The following HERC1 variants were observed in gnomAD, a reference collection of about 807,000 sequenced individuals.
HERC1 encodes the protein probable E3 ubiquitin-protein ligase HERC1.
A neutral mutation model predicts 554.3 loss-of-function variants in HERC1; 160 were observed. The observed-to-expected ratio is 0.29, with a 90% CI of 0.25 to 0.33. HERC1 has a LOEUF of 0.33. HERC1 is among the 10% of genes least tolerant of loss of function. The pLI is 1.00. For synonymous variants in HERC1, 2,175 were observed against 2,131.7 expected, an observed-to-expected ratio of 1.02 and a Z score of -0.56; for missense variants, 4,919 against 5,918.5, an observed-to-expected ratio of 0.83 and a Z score of 5.54.
chr15:63,811,907 G>A (rs1286402183), intron 1 of HERC1, among the ~76,000 whole-genome samples: 1 of 150,840 alleles, frequency 6.6e-6, no homozygotes, highest in East Asian at 1.9e-4. Flanking sequence ...TTTTTCTATT[G>A]TTAACCATGT....
chr15:63,810,691 C>T (rs1380002763), intron 1 of HERC1, among the ~76,000 whole-genome samples: 2 of 151,984 alleles, frequency 1.3e-5, no homozygotes, highest in Non-Finnish European at 2.9e-5. Context: ...AATGGGAAAG[C>T]GTTGTAGGAG....
At chr15:63,831,894 T>C (rs551465246) in intron 1 of HERC1, among the ~76,000 whole-genome samples, 27 of 152,308 alleles carry the variant, frequency 1.8e-4, no homozygotes, top group South Asian at 1.2e-3. Flanking sequence ...GGTGCCTGCA[T>C]TGGAAATGGA....
In HERC1 at chr15:63,645,065, C is replaced by G. The variant is rs187677295; in HGVS notation, c.11111G>C (p.Arg3704Pro). 6.2e-7 allele frequency: 1 copy of G among 1,613,710 alleles called. No individual in the cohort carries two copies. Among genetic ancestry groups the G allele is most frequent in the Non-Finnish European group, 8.5e-7 (1 of 1,179,758 alleles). The change falls in exon 57 of 78, where the codon CGC becomes CCC. Residue 3704 changes from arginine (R) to proline (P), a missense_variant. Arg to Pro is a moderately radical substitution (Grantham distance 103, BLOSUM62 -2). Around this residue, in one of 11 missense-constraint regions of HERC1, gnomAD observed 1,963 missense variants for 2,228.6 expected, o/e 0.88. Coordinates refer to ENST00000443617, the MANE Select transcript of HERC1 (RefSeq NM_003922.4). ...GCQSGLVCVWRIPQDTTQTNV... is the reference protein window; with the variant it reads ...GCQSGLVCVWPIPQDTTQTNV... ...GGTCTGTGTAGTATCTTGAGGAATG[C>G]GCCAAACACATACTAAGCCACTCTG...
chr15:63,737,440 ATAT>A (rs1329097429), intron 12 of HERC1, among the ~76,000 whole-genome samples: 9 of 127,472 alleles, frequency 7.1e-5, no homozygotes, highest in African/African-American at 2.4e-4. Context: ...ATATATATAT[ATAT>A]CTTTTTTCCA....
intron 1 of HERC1, among the ~76,000 whole-genome samples, chr15:63,788,218 G>C (rs1266855351): frequency 6.6e-6 from 1 of 152,066 alleles, no homozygotes. Context: ...CTGATGATTT[G>C]GGGAACAAAA....
rs1412240378 is a variant in HERC1 at position 63,749,120 on chromosome 15, A to G, written c.2219+247T>C. Among the ~76,000 whole-genome samples, 1 of 152,182 alleles carries G rather than the reference A, an allele frequency of 6.6e-6. No homozygotes were observed. Among genetic ancestry groups the G allele is most frequent in the East Asian group, 1.9e-4 (1 of 5,208 alleles). On this transcript the variant is annotated intron_variant, in intron 10 of 77. Transcript: ENST00000443617. The surrounding 1 kb of genome is among the most constrained non-coding windows in gnomAD (Gnocchi z 4.1). ...GCATGTAGAGATGAGAGAGAACTCA[A>G]AATGTTTAAAAGACAATGTCTTAAA...
chr15:63,672,480 AG>A lies in HERC1; in HGVS notation c.8045+15del, dbSNP rs1210839786. The A allele has an allele frequency of 1.3e-6, 2 of 1,561,766 alleles. No individual in the cohort carries two copies. Among genetic ancestry groups the A allele is most frequent in the Admixed American group, 1.9e-5 (1 of 52,988 alleles). ...CAGGCATCAGTATGGCAGACATTAA[AG>A]GTCAACTTCTCTACCTGAGAAGACT... On this transcript the variant is annotated intron_variant, in intron 39 of 77. Coordinates refer to ENST00000443617, the MANE Select transcript of HERC1 (RefSeq NM_003922.4).
chr15:63,715,087 G>C (rs539115707), intron 22 of HERC1, among the ~76,000 whole-genome samples: 4 of 152,178 alleles, frequency 2.6e-5, no homozygotes, highest in Non-Finnish European at 5.9e-5. Context: ...TGGTGTTTGG[G>C]GCAGACCTGC....
intron 39 of HERC1, 54 bp from the exon 40 acceptor site, chr15:63,669,752 T>C (rs1354773241): frequency 2.7e-6 from 4 of 1,490,528 alleles, no homozygotes; most frequent in East Asian, 2.3e-5. Flanking sequence ...AAATAATACA[T>C]ACATCACAAT....
rs746583824 is a variant in HERC1 at position 63,696,159 on chromosome 15, C to T, written c.5086G>A (p.Gly1696Ser). The T allele has an allele frequency of 1.1e-5, 18 of 1,613,438 alleles. No individual in the cohort carries two copies. The highest frequency in any genetic ancestry group is 1.4e-5 in the Non-Finnish European group (17 of 1,179,692). The change falls in exon 27 of 78, where the codon GGC (glycine) becomes AGC (serine). Residue 1696 changes from glycine to serine, a missense_variant. Physicochemically the swap from Gly to Ser is moderately conservative, Grantham distance 56. This residue lies in a region of HERC1 where 1,121 missense variants were observed against 1,244.0 expected (regional missense o/e 0.90). Transcript: ENST00000443617. ...FGLGTVGHTG[G>S]KGESGRLHHY... is the part of the protein sequence containing the mutation. Reference sequence around the variant, plus strand: ...TGCAATCGGCCACTCTCTCCCTTGCCTCCTGTGTGTCCAACAGTGCCTAAA... The same window carrying T: ...TGCAATCGGCCACTCTCTCCCTTGCTTCCTGTGTGTCCAACAGTGCCTAAA...
Position 63,774,790 on chromosome 15 carries a change from T to A in HERC1, c.834A>T (p.Val278=), listed in dbSNP as rs2076070672. Residue 278 remains valine, a synonymous_variant, in exon 2 of 78, where the codon GTA becomes GTT. Transcript: ENST00000443617. ...IEMALGASAV[V]HTMEKGKLLS... ...GTAGTTTGCCTTTCTCCATGGTGTG[T>A]ACAACTGCCGAAGCCCCCAAAGCCA... The A allele has an allele frequency of 1.2e-6, 2 of 1,614,012 alleles. No individual in the cohort carries two copies. Among genetic ancestry groups the A allele is most frequent in the East Asian group, 4.5e-5 (2 of 44,886 alleles).
In HERC1 at chr15:63,696,132, G is replaced by A. The variant is rs754059137; in HGVS notation, c.5113C>T (p.His1705Tyr). ...TGCAAGGTGTCACCTACCTGATAGTGATGCAATCGGCCACTCTCTCCCTTG... is the reference window on the plus strand; with the variant it reads ...TGCAAGGTGTCACCTACCTGATAGTAATGCAATCGGCCACTCTCTCCCTTG... ...GGKGESGRLHHYQDGIRAAKR... is the reference protein window; with the variant it reads ...GGKGESGRLHYYQDGIRAAKR... Residue 1705 changes from histidine (H) to tyrosine (Y), a missense_variant, in exon 27 of 78, where the codon CAC becomes TAC. Transcript: ENST00000443617. 1.4e-5 allele frequency: 22 copies of A among 1,610,598 alleles called. No homozygotes were observed. The highest frequency in any genetic ancestry group is 1.8e-5 in the Non-Finnish European group (21 of 1,177,458).
Position 63,649,707 on chromosome 15 carries a change from G to A in HERC1, c.10747+18C>T, listed in dbSNP as rs747195510. ...AAGTTGGAGACTCCGTCAGCTAGAC[G>A]TAAGTGCAGTCATTTACCATCCTTT... On this transcript the variant is annotated intron_variant, in intron 54 of 77. Transcript: ENST00000443617. 1.2e-5 allele frequency: 20 copies of A among 1,605,156 alleles called. No individual in the cohort carries two copies. The highest frequency in any genetic ancestry group is 6.7e-5 in the African/African-American group (5 of 74,802).
rs753879729 is a variant in HERC1 at position 63,729,549 on chromosome 15, C to T, written c.2969G>A (p.Cys990Tyr). The T allele has an allele frequency of 2.0e-5, 32 of 1,613,742 alleles. No homozygotes were observed. Among genetic ancestry groups the T allele is most frequent in the Non-Finnish European group, 2.7e-5 (32 of 1,179,814 alleles). The part of the protein sequence containing the change: ...SQPAHLHELL[C>Y]SLQKQLLAFC... ...TGCCAGCAGCTGTTTCTGTAGTGAA[C>T]ATAGCAGTTCATGAAGATGAGCAGG... Residue 990 changes from cysteine (C) to tyrosine (Y), a missense_variant, in exon 15 of 78, where the codon TGT (cysteine) becomes TAT (tyrosine). Physicochemically the swap from Cys to Tyr is radical, Grantham distance 194. Coordinates refer to ENST00000443617, the MANE Select transcript of HERC1 (RefSeq NM_003922.4).
chr15:63,661,907 C>T lies in HERC1; in HGVS notation c.9016G>A (p.Ala3006Thr). The stretch of plus-strand genomic sequence containing the variant: ...TTGCTGCGATAGCCCTGGCGGTTTG[C>T]ACTGCGCCCACAGCCTGGATGGTTT... Reference protein sequence around the residue: ...KRNHPGCGRSANRQGYRSNGS... With the variant: ...KRNHPGCGRSTNRQGYRSNGS... Residue 3006 changes from alanine (A) to threonine (T), a missense_variant, in exon 45 of 78, where the codon GCA becomes ACA. By Grantham distance (58) the Ala-to-Thr change is moderately conservative. Transcript: ENST00000443617. The T allele has an allele frequency of 6.2e-7, 1 of 1,613,994 alleles. No homozygotes were observed. The highest frequency in any genetic ancestry group is 8.5e-7 in the Non-Finnish European group (1 of 1,179,892).
intron 1 of HERC1, among the ~76,000 whole-genome samples, chr15:63,787,390 C>A (rs1441020912): frequency 6.6e-6 from 1 of 152,030 alleles, no homozygotes; most frequent in African/African-American, 2.4e-5. Context: ...CGCCTGACCT[C>A]AGGTGATCCA....
At chr15:63,686,656 C>G (rs577780450) in intron 33 of HERC1, 121 bp from the exon 34 acceptor site, 12 of 758,248 alleles carry the variant, frequency 1.6e-5, no homozygotes, top group Non-Finnish European at 2.5e-5. Context: ...GAATCAGTTA[C>G]TGTGCAGGGC....
chr15:63,766,377 C>G (rs1361242945), intron 2 of HERC1, among the ~76,000 whole-genome samples: 1 of 152,022 alleles, frequency 6.6e-6, no homozygotes, highest in Non-Finnish European at 1.5e-5. Context: ...CACTTGAGGT[C>G]AGGAGTTCAA....
intron 51 of HERC1, among the ~76,000 whole-genome samples, chr15:63,652,823 G>T (rs552295433): frequency 3.0e-4 from 46 of 152,110 alleles, no homozygotes; most frequent in African/African-American, 9.2e-4. Flanking sequence ...GATAATTTTT[G>T]TATTTTTAGT....
Sources: gnomAD v4.1 joint callset for allele counts (sites outside exome capture counted in the v4.1 genomes callset) on GRCh38, gnomAD v4.1.1 for gene constraint, gnomAD v4.1.1 regional missense constraint, Gnocchi (gnomAD v3.1) non-coding constraint, MANE v1.5 for transcripts, NCBI Gene and HGNC (gene_info 2026-07-23, HGNC 2026-07-21) for gene names.